SOX5: variants seen among roughly 807,000 people sequenced by gnomAD.
The protein encoded by SOX5 is transcription factor SOX-5.
In SOX5, 9 loss-of-function variants were observed where a neutral mutation model predicts 92.0. The observed-to-expected ratio is 0.10, with a 90% CI of 0.06 to 0.17. SOX5 has a LOEUF of 0.17. Among genes scored for constraint, SOX5 ranks in the 10% least tolerant of loss-of-function variants. The pLI is 1.00. For missense variants in SOX5, 642 were observed against 944.5 expected (o/e 0.68, Z 4.20); for synonymous variants, 344 against 336.3 (o/e 1.02, Z -0.25).
intron 3 of SOX5, among the ~76,000 whole-genome samples, chr12:23,825,536 G>A (rs945698131): frequency 1.3e-5 from 2 of 152,126 alleles, no homozygotes; most frequent in Non-Finnish European, 2.9e-5. Context: ...TTGCCCGGGG[G>A]CCCCTATTAT....
intron 4 of SOX5, among the ~76,000 whole-genome samples, chr12:24,203,190 T>C (rs1030495738): frequency 2.0e-5 from 3 of 152,200 alleles, no homozygotes; most frequent in Admixed American, 6.5e-5. Flanking sequence ...CTTTCATTAT[T>C]TTCTTGCTCA....
intron 4 of SOX5, among the ~76,000 whole-genome samples, chr12:24,040,977 G>T (rs1350179070): frequency 6.6e-6 from 1 of 152,140 alleles, no homozygotes; most frequent in Admixed American, 6.5e-5. Flanking sequence ...AATACTTCGT[G>T]ACTGGGGGGA....
intron 1 of SOX5, among the ~76,000 whole-genome samples, chr12:24,388,713 A>G (rs981758766): frequency 7.2e-5 from 11 of 152,182 alleles, no homozygotes; most frequent in Admixed American, 5.9e-4. Flanking sequence ...ATTTTTGAAC[A>G]CTTTCGTCAC....
At chr12:24,410,748 C>T (rs1417776492) in intron 1 of SOX5, among the ~76,000 whole-genome samples, 1 of 152,144 alleles carries the variant, frequency 6.6e-6, no homozygotes, top group Non-Finnish European at 1.5e-5. Context: ...GTAGATTATT[C>T]CCACTTTATT....
At chr12:24,102,325 A>C (rs1484547115) in intron 4 of SOX5, among the ~76,000 whole-genome samples, 1 of 152,184 alleles carries the variant, frequency 6.6e-6, no homozygotes, top group Non-Finnish European at 1.5e-5. Flanking sequence ...CCAACTAGTA[A>C]ATTTGCAATA....
At chr12:23,997,177 AGTCTGTG>A (rs1326627816) in intron 4 of SOX5, among the ~76,000 whole-genome samples, 2 of 152,160 alleles carry the variant, frequency 1.3e-5, no homozygotes, top group Non-Finnish European at 2.9e-5. Context: ...AAACAATAAG[AGTCTGTG>A]GCATTGCATC....
At chr12:24,065,519 C>T (rs1248385028) in intron 4 of SOX5, among the ~76,000 whole-genome samples, 1 of 151,480 alleles carries the variant, frequency 6.6e-6, no homozygotes, top group Admixed American at 6.6e-5. Flanking sequence ...TGGTGGTGCA[C>T]ACCTGTAGTC....
At chr12:24,022,755 T>C (rs1954449782) in intron 4 of SOX5, among the ~76,000 whole-genome samples, 1 of 152,112 alleles carries the variant, frequency 6.6e-6, no homozygotes, top group African/African-American at 2.4e-5. Flanking sequence ...AGGAGAGCCA[T>C]TCCTTAATTT....
At chr12:23,872,877 A>G (rs1294288034) in intron 2 of SOX5, among the ~76,000 whole-genome samples, 1 of 152,226 alleles carries the variant, frequency 6.6e-6, no homozygotes, top group Non-Finnish European at 1.5e-5. Flanking sequence ...CCTGGATATT[A>G]AAAGAGTGAT....
chr12:24,227,174 T>C (rs1201494432), intron 3 of SOX5: 1 of 152,148 alleles, frequency 6.6e-6, no homozygotes, highest in Non-Finnish European at 1.5e-5. Flanking sequence ...TGATGACTAA[T>C]GCTTTGAGGA....
At chr12:24,085,396 G>A (rs1163120580) in intron 4 of SOX5, among the ~76,000 whole-genome samples, 2 of 152,018 alleles carry the variant, frequency 1.3e-5, no homozygotes, top group African/African-American at 2.4e-5. Context: ...ACTTTACAGA[G>A]GTCAACTAAC....
chr12:23,928,109 C>A (rs1011339947), intron 1 of SOX5, among the ~76,000 whole-genome samples: 2 of 151,900 alleles, frequency 1.3e-5, no homozygotes, highest in African/African-American at 4.8e-5. Flanking sequence ...AGCACAGCTC[C>A]CTGGAGAAAT....
intron 1 of SOX5, among the ~76,000 whole-genome samples, chr12:24,459,013 A>G (rs1262125863): frequency 6.6e-6 from 1 of 152,150 alleles, no homozygotes; most frequent in Non-Finnish European, 1.5e-5. Flanking sequence ...GCTGGTATCA[A>G]TTCTCAAAGG....
intron 4 of SOX5, among the ~76,000 whole-genome samples, chr12:23,993,051 T>C (rs892783434): frequency 3.3e-5 from 5 of 152,172 alleles, no homozygotes; most frequent in Non-Finnish European, 7.4e-5. Context: ...ATTGAGACAG[T>C]TCCTCAAAAA....
chr12:24,198,207 C>T (rs1957185642), intron 4 of SOX5, among the ~76,000 whole-genome samples: 1 of 150,270 alleles, frequency 6.7e-6, no homozygotes, highest in African/African-American at 2.4e-5. Context: ...ACCACAATCG[C>T]TATCCAAAAT....
At chr12:24,305,404 G>T (rs1401927555) in intron 2 of SOX5, among the ~76,000 whole-genome samples, 1 of 152,150 alleles carries the variant, frequency 6.6e-6, no homozygotes, top group Non-Finnish European at 1.5e-5. Context: ...GGGGGTTCAT[G>T]AATCATTCCT....
At chr12:23,774,378 T>C (rs1016425226) in intron 3 of SOX5, among the ~76,000 whole-genome samples, 1 of 152,210 alleles carries the variant, frequency 6.6e-6, no homozygotes, top group African/African-American at 2.4e-5. Flanking sequence ...TAAGTGGCAC[T>C]AGCCAGAATA....
chr12:24,429,601 G>A (rs935872775), intron 1 of SOX5, among the ~76,000 whole-genome samples: 2 of 149,354 alleles, frequency 1.3e-5, no homozygotes, highest in Non-Finnish European at 3.0e-5. Context: ...TATTTTCCTG[G>A]AAACACACAT....
At chr12:24,177,864 T>C (rs562723766) in intron 4 of SOX5, among the ~76,000 whole-genome samples, 4 of 152,174 alleles carry the variant, frequency 2.6e-5, no homozygotes, top group Non-Finnish European at 4.4e-5. Context: ...AAAGATGCAT[T>C]GCGATAATTG....
Sources: allele counts gnomAD v4.1 joint callset (sites outside exome capture counted in the v4.1 genomes callset), GRCh38; gene constraint gnomAD v4.1.1; transcripts MANE v1.5; gene names NCBI Gene and HGNC (gene_info 2026-07-23, HGNC 2026-07-21).